Variants in PPIL2 observed in about 807,000 individuals in gnomAD.
PPIL2 encodes the protein peptidylprolyl isomerase like 2.
PPIL2 carries 50 observed loss-of-function variants against 75.2 expected under a neutral mutation model. The observed-to-expected ratio is 0.66, with a 90% confidence interval of 0.53 to 0.84. PPIL2 has a LOEUF of 0.84. Among genes scored for constraint, PPIL2 ranks in the 40% least tolerant of loss-of-function variants. The probability of loss-of-function intolerance (pLI) is 0.00; values close to 1 mark genes in which losing one functional copy is unlikely to be tolerated. For synonymous variants in PPIL2, 245 were observed against 258.8 expected, an observed-to-expected ratio of 0.95 and a Z score of 0.51; for missense variants, 590 against 685.0, an observed-to-expected ratio of 0.86 and a Z score of 1.55.
rs192098317 is a variant in PPIL2 at position 21,694,838 on chromosome 22, C to T, written c.1332+21C>T. 10,180 of 1,590,094 alleles carry T rather than the reference C, an allele frequency of 6.4e-3. 50 individuals are homozygous for T. The highest frequency in any genetic ancestry group is 7.5e-3 in the Non-Finnish European group (8,732 of 1,165,918). On this transcript the variant is annotated intron_variant, in intron 18 of 19. Coordinates refer to ENST00000398831, the MANE Select transcript of PPIL2 (RefSeq NM_014337.4). ...CCCAGGTGAGGGGGCACGATGCCAC[C>T]ACCTAGGAGGGTCTGGGCTAGTGCA...
At chr22:21,690,370 A>G (rs5749655) in intron 15 of PPIL2, among the ~76,000 whole-genome samples, 28,235 of 150,876 alleles carry the variant, frequency 0.19, 3,537 homozygotes, top group African/African-American at 0.34. Context: ...GGCAGCAGTG[A>G]GACCCTGTCT....
intron 1 of PPIL2, chr22:21,669,473 G>A (rs2066540414): frequency 2.6e-6 from 1 of 389,358 alleles, no homozygotes; most frequent in Non-Finnish European, 5.2e-6. Flanking sequence ...GTTTATCACT[G>A]TGTGGCTGAC....
chr22:21,684,876 A>G lies in PPIL2; in HGVS notation c.677A>G (p.Lys226Arg). The G allele has an allele frequency of 6.2e-7, 1 of 1,614,014 alleles. No homozygotes were observed. The highest frequency in any genetic ancestry group is 8.5e-7 in the Non-Finnish European group (1 of 1,179,922). ...GACGAGATTCTGGCAGCCACCATGA[A>G]GGCCCCGGAGAAGAAGAAAGTGGAC... ...KGDEILAATM[K>R]APEKKKVDKL... The change falls in exon 10 of 20, where the codon AAG becomes AGG. Residue 226 changes from lysine to arginine, a missense_variant. Transcript: ENST00000398831.
At chr22:21,681,851 G>A (rs1208210415) in intron 7 of PPIL2, among the ~76,000 whole-genome samples, 1 of 152,250 alleles carries the variant, frequency 6.6e-6, no homozygotes, top group African/African-American at 2.4e-5. Flanking sequence ...TCACACATGG[G>A]TCCTCCTCTT....
intron 10 of PPIL2, 89 bp downstream of exon 10, chr22:21,685,002 A>G: frequency 4.6e-6 from 7 of 1,518,356 alleles, no homozygotes; most frequent in Non-Finnish European, 6.2e-6. Context: ...AAAGGGGCTC[A>G]TGGGGGCCTG....
Position 21,696,480 on chromosome 22 carries a change from A to G in PPIL2, c.*990A>G, listed in dbSNP as rs710173. 0.98 allele frequency: 1,198,380 copies of G among 1,227,140 alleles called. 585,609 individuals carry two copies. Among genetic ancestry groups the G allele is most frequent in the African/African-American group, 0.99 (63,972 of 64,350 alleles). 76.0% of individuals were successfully genotyped at this position (1,227,140 alleles called of 1,614,324 possible). A position where few individuals can be genotyped will look rare whatever the true frequency, so the allele number is the denominator to read the frequency against. Reference sequence around the variant, plus strand: ...TCACTGACTCTGATGGCCTTGGGCCAGCTGCATCAGCAGCCCTTAAAGAAA... The same window carrying G: ...TCACTGACTCTGATGGCCTTGGGCCGGCTGCATCAGCAGCCCTTAAAGAAA... On this transcript the variant is annotated 3_prime_UTR_variant, in exon 20 of 20. Coordinates refer to ENST00000398831, the MANE Select transcript of PPIL2 (RefSeq NM_014337.4).
intron 1 of PPIL2, among the ~76,000 whole-genome samples, chr22:21,669,121 T>C (rs1278840978): frequency 1.3e-5 from 2 of 152,024 alleles, no homozygotes; most frequent in Non-Finnish European, 2.9e-5. Context: ...AGTGCTGGGA[T>C]TATAGGCGTG....
In PPIL2 at chr22:21,696,073, C is replaced by A; in HGVS notation, c.*583C>A. The A allele has an allele frequency of 1.2e-6, 1 of 844,504 alleles. No individual in the cohort carries two copies. The highest frequency in any genetic ancestry group is 1.4e-6 in the Non-Finnish European group (1 of 697,544). 52.3% of individuals were successfully genotyped at this position (844,504 alleles called of 1,614,324 possible). ...AACCAGTGTGGTCCCCTGACCAACG[C>A]CATTACCTGGGACAAGTTTTCAGAC... On this transcript the variant is annotated 3_prime_UTR_variant, in exon 20 of 20. Transcript: ENST00000398831.
intron 15 of PPIL2, among the ~76,000 whole-genome samples, chr22:21,690,709 A>T (rs2067582953): frequency 1.3e-5 from 2 of 152,002 alleles, no homozygotes; most frequent in African/African-American, 4.8e-5. Flanking sequence ...TGTGTTTCTG[A>T]TAGCCACGTC....
intron 15 of PPIL2, among the ~76,000 whole-genome samples, chr22:21,692,445 T>A (rs183384185): frequency 6.6e-6 from 1 of 151,544 alleles, no homozygotes; most frequent in South Asian, 2.1e-4. Context: ...TGAGCCACTG[T>A]GCCTGGCCAA....
intron 6 of PPIL2, among the ~76,000 whole-genome samples, chr22:21,677,150 G>A (rs565675320): frequency 1.0e-4 from 15 of 148,814 alleles, no homozygotes; most frequent in African/African-American, 2.7e-4. Flanking sequence ...GCTGCCGGGC[G>A]GAGGGGCTCC....
chr22:21,669,605 A>G (rs2066547150), intron 1 of PPIL2, among the ~76,000 whole-genome samples: 2 of 152,042 alleles, frequency 1.3e-5, no homozygotes, highest in Admixed American at 6.5e-5. Flanking sequence ...GGATCAAGCA[A>G]TTCTCTGCTT....
chr22:21,666,173 C>T, intron 1 of PPIL2, 42 bp downstream of exon 1: 2 of 1,583,208 alleles, frequency 1.3e-6, no homozygotes, highest in Non-Finnish European at 1.7e-6. Context: ...CACTCTGCCT[C>T]AGTGAACCGC....
At chr22:21,683,123 T>C in intron 8 of PPIL2, 59 bp from the exon 9 acceptor site, 1 of 1,421,026 alleles carries the variant, frequency 7.0e-7, no homozygotes, top group Non-Finnish European at 1.0e-6. Flanking sequence ...TTGCTGCATG[T>C]GGCTGCCATT....
At chr22:21,684,270 A>G (rs1436207773) in intron 9 of PPIL2, among the ~76,000 whole-genome samples, 1 of 74,414 alleles carries the variant, frequency 1.3e-5, no homozygotes, top group Non-Finnish European at 2.8e-5. Context: ...AGGCAGGCGG[A>G]TCACGAGGTT....
intron 9 of PPIL2, among the ~76,000 whole-genome samples, chr22:21,684,454 CAAAAA>C (rs1028354500): frequency 4.2e-5 from 2 of 47,544 alleles, no homozygotes; most frequent in African/African-American, 9.2e-5. Flanking sequence ...TCCATCTCCA[CAAAAA>C]AAAAAAAAAA....
rs1276272394 is a variant in PPIL2, at chr22:21,684,908, A to T, written c.709A>T (p.Asn237Tyr). 29 of 1,613,812 alleles carry T rather than the reference A, an allele frequency of 1.8e-5. No individual in the cohort carries two copies. The highest frequency in any genetic ancestry group is 2.1e-5 in the Non-Finnish European group (25 of 1,179,852). Residue 237 changes from asparagine (N) to tyrosine (Y), a missense_variant, in exon 10 of 20, where the codon AAC (asparagine) becomes TAC (tyrosine). Transcript: ENST00000398831. ...APEKKKVDKL[N>Y]AAHYSTGKVS... ...GGAGAAGAAGAAAGTGGACAAGCTG[A>T]ACGCTGTGAGTGGCGGAGGGCACTC...
chr22:21,682,533 G>T lies in PPIL2; in HGVS notation c.477+7G>T, dbSNP rs1317955715. 1 of 1,560,480 alleles carries T rather than the reference G, an allele frequency of 6.4e-7. No individual in the cohort carries two copies. Among genetic ancestry groups the T allele is most frequent in the African/African-American group, 1.5e-5 (1 of 66,988 alleles). On this transcript the variant is annotated splice_region_variant and intron_variant, in intron 8 of 19. Coordinates refer to ENST00000398831, the MANE Select transcript of PPIL2 (RefSeq NM_014337.4). The stretch of plus-strand genomic sequence containing the variant: ...GGACATCATCACCCTCCAGGTGAGT[G>T]TCCCCTGCCTGCCTGCCCCAGCTGC...
At chr22:21,672,287 CCTAAGCACCCTGGTGATGCTTT>C (rs766399276) in intron 4 of PPIL2, 21 bp from the exon 5 acceptor site, 1 of 1,559,090 alleles carries the variant, frequency 6.4e-7, no homozygotes, top group African/African-American at 1.4e-5. Flanking sequence ...CCAGGTGGCG[CCTAAGCACCCTGGTGATGCTTT>C]CTGTTCTGTC....
Sources: gnomAD v4.1 joint callset for allele counts (sites outside exome capture counted in the v4.1 genomes callset) on GRCh38, gnomAD v4.1.1 for gene constraint, MANE v1.5 for transcripts, NCBI Gene and HGNC (gene_info 2026-07-23, HGNC 2026-07-21) for gene names.